Variants in MECOM observed in about 807,000 individuals in gnomAD.
MECOM encodes MDS1 and EVI1 complex locus, also known as histone-lysine N-methyltransferase MECOM.
A neutral mutation model predicts 116.3 loss-of-function variants in MECOM; 13 were observed. That is an observed-to-expected ratio of 0.11 (90% CI 0.07 to 0.18). The LOEUF is 0.18. MECOM is among the 10% of genes least tolerant of loss of function. The probability of loss-of-function intolerance (pLI) is 1.00; values close to 1 mark genes in which losing one functional copy is unlikely to be tolerated. For synonymous variants in MECOM, 528 were observed against 535.2 expected (o/e 0.99, Z 0.19); for missense variants, 1,299 against 1,509.0 (o/e 0.86, Z 2.31).
chr3:169,218,554 G>A (rs1236185656), intron 2 of MECOM, among the ~76,000 whole-genome samples: 1 of 152,108 alleles, frequency 6.6e-6, no homozygotes, highest in Non-Finnish European at 1.5e-5. Flanking sequence ...ATGCATCCAG[G>A]GTGAGGCAGG....
At chr3:169,349,451 T>G (rs926785590) in intron 2 of MECOM, among the ~76,000 whole-genome samples, 1 of 151,922 alleles carries the variant, frequency 6.6e-6, no homozygotes, top group African/African-American at 2.4e-5. Flanking sequence ...TGCATGCCTG[T>G]AACTGAAGGA....
chr3:169,322,378 G>A (rs67746877), intron 2 of MECOM, among the ~76,000 whole-genome samples: 3 of 151,920 alleles, frequency 2.0e-5, no homozygotes, highest in African/African-American at 4.8e-5. Flanking sequence ...TCACAAAGAG[G>A]CTCTAGGGCT....
intron 2 of MECOM, among the ~76,000 whole-genome samples, chr3:169,173,107 G>A (rs181704665): frequency 3.3e-5 from 5 of 152,120 alleles, no homozygotes; most frequent in Non-Finnish European, 4.4e-5. Context: ...AATAAAAAAT[G>A]AGCTTAAGAA....
At chr3:169,523,140 A>G (rs1757556265) in intron 1 of MECOM, among the ~76,000 whole-genome samples, 1 of 152,208 alleles carries the variant, frequency 6.6e-6, no homozygotes, top group African/African-American at 2.4e-5. Flanking sequence ...TGATGAATAT[A>G]TTAAGTAGAA....
intron 1 of MECOM, among the ~76,000 whole-genome samples, chr3:169,662,739 C>A (rs979372545): frequency 2.0e-5 from 3 of 152,056 alleles, no homozygotes; most frequent in Admixed American, 6.5e-5. Flanking sequence ...CAACTTCCAG[C>A]GGCCGCCTCG....
At chr3:169,222,654 G>A (rs778576215) in intron 2 of MECOM, among the ~76,000 whole-genome samples, 6 of 152,142 alleles carry the variant, frequency 3.9e-5, no homozygotes, top group Non-Finnish European at 8.8e-5. Context: ...TGTCTGAAAC[G>A]CAGATATAAA....
chr3:169,549,404 GAAA>G (rs34667128), intron 1 of MECOM, among the ~76,000 whole-genome samples: 4 of 126,378 alleles, frequency 3.2e-5, no homozygotes, highest in Admixed American at 7.6e-5. Flanking sequence ...TGTAAGTAAA[GAAA>G]AAAAAAAAAA....
chr3:169,183,868 C>CTT (rs1268439137), intron 2 of MECOM, among the ~76,000 whole-genome samples: 4 of 118,942 alleles, frequency 3.4e-5, no homozygotes, highest in African/African-American at 8.8e-5. Flanking sequence ...TTTCTTTTTT[C>CTT]TCTTTTTTTT....
At chr3:169,328,552 T>C (rs1722228285) in intron 2 of MECOM, among the ~76,000 whole-genome samples, 1 of 152,250 alleles carries the variant, frequency 6.6e-6, no homozygotes, top group Non-Finnish European at 1.5e-5. Context: ...TATTAGTTTG[T>C]TAAAATATAC....
intron 2 of MECOM, among the ~76,000 whole-genome samples, chr3:169,198,928 G>C (rs1021573188): frequency 6.6e-5 from 10 of 151,964 alleles, no homozygotes; most frequent in African/African-American, 2.2e-4. Context: ...AATTAAATAG[G>C]GACCCAAGAG....
At chr3:169,467,667 G>T (rs184572886) in intron 1 of MECOM, among the ~76,000 whole-genome samples, 5 of 152,178 alleles carry the variant, frequency 3.3e-5, no homozygotes, top group Non-Finnish European at 7.4e-5. Flanking sequence ...GTCTCCTACC[G>T]CTGGCTAATT....
At chr3:169,177,493 C>A (rs1014897251) in intron 2 of MECOM, among the ~76,000 whole-genome samples, 2 of 151,750 alleles carry the variant, frequency 1.3e-5, no homozygotes, top group Non-Finnish European at 2.9e-5. Flanking sequence ...GGGGAAGGAA[C>A]TTAGAGGACA....
chr3:169,310,303 A>G (rs902034684), intron 2 of MECOM, among the ~76,000 whole-genome samples: 2 of 152,248 alleles, frequency 1.3e-5, no homozygotes, highest in African/African-American at 4.8e-5. Context: ...TGAGGTATAA[A>G]GTAAAAACAC....
At chr3:169,135,741 A>G (rs1305975603) in intron 3 of MECOM, among the ~76,000 whole-genome samples, 1 of 151,796 alleles carries the variant, frequency 6.6e-6, no homozygotes, top group Non-Finnish European at 1.5e-5. Flanking sequence ...TTATTTTTCT[A>G]TGAAGCAATA....
intron 2 of MECOM, among the ~76,000 whole-genome samples, chr3:169,334,738 G>A (rs527631827): frequency 6.6e-6 from 1 of 152,232 alleles, no homozygotes; most frequent in Admixed American, 6.5e-5. Flanking sequence ...ATAAATAATT[G>A]CCATTTTACA....
rs141488067 is a variant in MECOM, at chr3:169,250,929, AAAG to A, written c.376-107100_376-107098del. Among the ~76,000 whole-genome samples the A allele has an allele frequency of 5.3e-3, 803 of 152,296 alleles. 12 individuals carry two copies. The highest frequency in any genetic ancestry group is 0.019 in the African/African-American group (773 of 41,572). ...ATGTTTCCACTTGTTCAAAACTCAC[AAAG>A]AAGATTCATCTCTACGATAATTTTG... On this transcript the variant is annotated intron_variant, in intron 2 of 16. Coordinates refer to ENST00000651503, the MANE Select transcript of MECOM (RefSeq NM_004991.4).
chr3:169,434,095 A>T (rs1366796204), intron 1 of MECOM, among the ~76,000 whole-genome samples: 1 of 152,236 alleles, frequency 6.6e-6, no homozygotes, highest in Non-Finnish European at 1.5e-5. Flanking sequence ...GTTTATTTAG[A>T]TAATGAATAC....
At chr3:169,285,121 G>A (rs763652876) in intron 2 of MECOM, among the ~76,000 whole-genome samples, 6 of 152,074 alleles carry the variant, frequency 3.9e-5, no homozygotes, top group African/African-American at 7.2e-5. Context: ...ACCGAGTATT[G>A]GACTTTGAAT....
chr3:169,287,608 T>A (rs1002134026), intron 2 of MECOM, among the ~76,000 whole-genome samples: 3 of 152,246 alleles, frequency 2.0e-5, no homozygotes, highest in Admixed American at 1.3e-4. Context: ...TAATGTTTAC[T>A]TGAAATGCAT....
Sources: gnomAD v4.1 joint callset for allele counts (sites outside exome capture counted in the v4.1 genomes callset) on GRCh38, gnomAD v4.1.1 for gene constraint, MANE v1.5 for transcripts, NCBI Gene and HGNC (gene_info 2026-07-23, HGNC 2026-07-21) for gene names.